AGAP1: variants seen among roughly 807,000 people sequenced by gnomAD.
AGAP1 encodes arf-GAP with GTPase, ANK repeat and PH domain-containing protein 1.
AGAP1 carries 29 observed loss-of-function variants against 105.3 expected under a neutral mutation model. The ratio of observed to expected loss-of-function variants is 0.28; its 90% CI spans 0.21 to 0.38. The LOEUF (loss-of-function observed/expected upper bound fraction) is 0.38. Ranked by LOEUF, AGAP1 falls within the 10% of genes least tolerant of loss-of-function variation. The pLI, the probability that AGAP1 is intolerant of heterozygous loss-of-function variation, is 1.00. For missense variants in AGAP1, 998 were observed against 1,165.1 expected (o/e 0.86, Z 2.09); for synonymous variants, 509 against 485.9 (o/e 1.05, Z -0.63).
At chr2:235,831,097 G>C (rs1047106909) in intron 9 of AGAP1, among the ~76,000 whole-genome samples, 10 of 151,766 alleles carry the variant, frequency 6.6e-5, no homozygotes, top group African/African-American at 2.2e-4. Context: ...AGCACCTGCT[G>C]GCTGCTCTCT....
chr2:235,969,268 T>A (rs1057351920), intron 13 of AGAP1, among the ~76,000 whole-genome samples: 1 of 151,968 alleles, frequency 6.6e-6, no homozygotes, highest in African/African-American at 2.4e-5. Flanking sequence ...TTTTTTTTTT[T>A]AATTCATAGA....
rs1422207216 is a variant in AGAP1, at chr2:235,582,652, G to A, written c.163+87803G>A. Among the ~76,000 whole-genome samples, 2 of 152,224 alleles carry A rather than the reference G, an allele frequency of 1.3e-5. No individual in the cohort carries two copies. The highest frequency in any genetic ancestry group is 2.4e-5 in the African/African-American group (1 of 41,466). On this transcript the variant is annotated intron_variant, in intron 1 of 17. Transcript: ENST00000304032. The surrounding 1 kb of genome is among the most constrained non-coding windows in gnomAD (Gnocchi z 4.7). ...TAAAAGTGTTTTACAACAAAAGCAC[G>A]GAGTGTACTTCAGAAGGAAGGATTT... is the stretch of plus-strand genomic sequence containing the variant.
At chr2:235,948,450 C>T (rs1331989070) in intron 12 of AGAP1, among the ~76,000 whole-genome samples, 1 of 152,182 alleles carries the variant, frequency 6.6e-6, no homozygotes. Context: ...CTCCCAAAGT[C>T]TCCTGGCATT....
intron 1 of AGAP1, among the ~76,000 whole-genome samples, chr2:235,668,679 C>T (rs1948211643): frequency 6.6e-6 from 1 of 152,202 alleles, no homozygotes; most frequent in Non-Finnish European, 1.5e-5. Context: ...CGATAACATC[C>T]TAGACCAGTA....
intron 8 of AGAP1, among the ~76,000 whole-genome samples, chr2:235,806,664 T>C (rs1957850763): frequency 6.6e-6 from 1 of 152,204 alleles, no homozygotes; most frequent in Non-Finnish European, 1.5e-5. Context: ...TTTTTTCCCC[T>C]TCATTATTTT....
intron 1 of AGAP1, among the ~76,000 whole-genome samples, chr2:235,644,780 T>A (rs1450097271): frequency 6.6e-6 from 1 of 152,212 alleles, no homozygotes; most frequent in African/African-American, 2.4e-5. Flanking sequence ...GAACCCCTGT[T>A]ACTGATGTGT....
rs2106533506 is a variant in AGAP1, at chr2:235,865,392, G to GT, written c.1051-17952dup. ...GGGTTCCGCAAATAGGGCACCCACA[G>GT]TAACACGTGTGGCGCCGACCCCGCC... On this transcript the variant is annotated intron_variant, in intron 9 of 17. Coordinates refer to ENST00000304032, the MANE Select transcript of AGAP1 (RefSeq NM_001037131.3). This position sits in a 1 kb window ranked among gnomAD's most constrained non-coding sequence, Gnocchi z 6.2. 6.6e-6 allele frequency among the ~76,000 whole-genome samples: 1 copy of GT among 152,344 alleles called. No homozygotes were observed. Among genetic ancestry groups the GT allele is most frequent in the Admixed American group, 6.5e-5 (1 of 15,306 alleles).
intron 1 of AGAP1, among the ~76,000 whole-genome samples, chr2:235,576,157 AG>A (rs1944725913): frequency 6.6e-6 from 1 of 152,140 alleles, no homozygotes; most frequent in Non-Finnish European, 1.5e-5. Flanking sequence ...ACCAGGCAGG[AG>A]GCTGGGTCCA....
At chr2:236,024,021 GTTTTTTTTTTTTGTTT>G (rs1396953860) in intron 13 of AGAP1, among the ~76,000 whole-genome samples, 19 of 112,138 alleles carry the variant, frequency 1.7e-4, no homozygotes, top group African/African-American at 6.1e-4. Flanking sequence ...GTGGTTGGTT[GTTTTTTTTTTTTGTTT>G]TTTTTTTTTT....
Position 235,552,268 on chromosome 2 carries a change from A to G in AGAP1, c.163+57419A>G, listed in dbSNP as rs1943838899. ...GTTGAGAAATACAGTTTCTGCAGGA[A>G]AGAGAGAGACATTGGTGCCAAGAAA... On this transcript the variant is annotated intron_variant, in intron 1 of 17. Transcript: ENST00000304032. This position sits in a 1 kb window ranked among gnomAD's most constrained non-coding sequence, Gnocchi z 5.9. Among the ~76,000 whole-genome samples, 1 of 152,240 alleles carries G rather than the reference A, an allele frequency of 6.6e-6. No homozygotes were observed. Among genetic ancestry groups the G allele is most frequent in the Non-Finnish European group, 1.5e-5 (1 of 68,050 alleles).
chr2:235,661,534 T>TG (rs1224226060), intron 1 of AGAP1, among the ~76,000 whole-genome samples: 27 of 76,562 alleles, frequency 3.5e-4, no homozygotes, highest in African/African-American at 1.1e-3. Flanking sequence ...GCTGTGGGGG[T>TG]GGGGGGGCTG....
intron 9 of AGAP1, among the ~76,000 whole-genome samples, chr2:235,848,804 G>A (rs1338952286): frequency 6.6e-6 from 1 of 152,168 alleles, no homozygotes; most frequent in Non-Finnish European, 1.5e-5. Flanking sequence ...GTAAGTATTT[G>A]AGGAGTTTCT....
chr2:235,646,289 GTTGTT>G (rs1349451174), intron 1 of AGAP1, among the ~76,000 whole-genome samples: 1 of 131,692 alleles, frequency 7.6e-6, no homozygotes, highest in Non-Finnish European at 1.7e-5. Flanking sequence ...AAAAAAAAAG[GTTGTT>G]TTGTTTGGTA....
At chr2:235,758,268 A>T (rs1163303919) in intron 6 of AGAP1, among the ~76,000 whole-genome samples, 1 of 152,174 alleles carries the variant, frequency 6.6e-6, no homozygotes, top group Non-Finnish European at 1.5e-5. Flanking sequence ...AGGTGGATTA[A>T]TGGGTCATTA....
intron 1 of AGAP1, among the ~76,000 whole-genome samples, chr2:235,525,257 A>T (rs1942783389): frequency 6.6e-6 from 1 of 152,022 alleles, no homozygotes; most frequent in African/African-American, 2.4e-5. Flanking sequence ...GAGGACTGAC[A>T]CATAATGTGG....
rs978159235 is a variant in AGAP1 at position 235,792,503 on chromosome 2, G to A, written c.674-5256G>A. ...TGTGGTAAGATTTGCCTTTGAGGTC[G>A]CCCTGTGGTGTGTTAGGGGCATTTA... On this transcript the variant is annotated intron_variant, in intron 6 of 17. Coordinates refer to ENST00000304032, the MANE Select transcript of AGAP1 (RefSeq NM_001037131.3). This position sits in a 1 kb window ranked among gnomAD's most constrained non-coding sequence, Gnocchi z 5.3. Among the ~76,000 whole-genome samples the A allele has an allele frequency of 1.3e-5, 2 of 152,190 alleles. No homozygotes were observed. The highest frequency in any genetic ancestry group is 2.4e-5 in the African/African-American group (1 of 41,442).
At chr2:235,568,582 G>T (rs1037734053) in intron 1 of AGAP1, among the ~76,000 whole-genome samples, 2 of 152,178 alleles carry the variant, frequency 1.3e-5, no homozygotes, top group African/African-American at 4.8e-5. Flanking sequence ...GTTGGAGGAG[G>T]ATGTGGATCG....
intron 1 of AGAP1, among the ~76,000 whole-genome samples, chr2:235,680,814 C>A (rs1294196780): frequency 6.6e-6 from 1 of 152,078 alleles, no homozygotes; most frequent in Non-Finnish European, 1.5e-5. Flanking sequence ...GCTGCGGGCT[C>A]CCAGAGGTTC....
chr2:235,969,921 G>C (rs184176903), intron 13 of AGAP1, among the ~76,000 whole-genome samples: 1 of 152,088 alleles, frequency 6.6e-6, no homozygotes. Context: ...CTGATTTTTC[G>C]TCGGGCACGG....
Sources: gnomAD v4.1 joint callset for allele counts (sites outside exome capture counted in the v4.1 genomes callset) on GRCh38, gnomAD v4.1.1 for gene constraint, Gnocchi (gnomAD v3.1) non-coding constraint, MANE v1.5 for transcripts, NCBI Gene and HGNC (gene_info 2026-07-23, HGNC 2026-07-21) for gene names.